Variants in AHI1 observed in about 807,000 individuals in gnomAD.
The protein encoded by AHI1 is Abelson helper integration site 1.
A neutral mutation model predicts 149.3 loss-of-function variants in AHI1; 123 were observed. That is an observed-to-expected ratio of 0.82 (90% confidence interval 0.71 to 0.96). AHI1 has a LOEUF of 0.96. Ranked by LOEUF, AHI1 falls within the 40% of genes least tolerant of loss-of-function variation. The pLI is 0.00. For synonymous variants in AHI1, 475 were observed against 459.8 expected (o/e 1.03, Z -0.42); for missense variants, 1,439 against 1,422.7 (o/e 1.01, Z -0.18).
chr6:135,427,572 C>T (rs891824076), intron 19 of AHI1, among the ~76,000 whole-genome samples: 3 of 151,502 alleles, frequency 2.0e-5, no homozygotes, highest in South Asian at 2.1e-4. Flanking sequence ...AGGGCACAGA[C>T]GGAAGTAGAG....
intron 8 of AHI1, among the ~76,000 whole-genome samples, chr6:135,460,896 T>G (rs1789770377): frequency 1.3e-5 from 2 of 152,180 alleles, no homozygotes; most frequent in African/African-American, 4.8e-5. Context: ...TGATCACTGC[T>G]TCCTATCATA....
At chr6:135,345,027 G>A (rs1790982913) in intron 24 of AHI1, among the ~76,000 whole-genome samples, 1 of 151,390 alleles carries the variant, frequency 6.6e-6, no homozygotes, top group South Asian at 2.1e-4. Flanking sequence ...ATTAGAAAAT[G>A]AGCAAAGAAT....
chr6:135,417,375 G>A (rs1782532011), intron 20 of AHI1, among the ~76,000 whole-genome samples: 1 of 151,950 alleles, frequency 6.6e-6, no homozygotes, highest in Non-Finnish European at 1.5e-5. Context: ...ACCTACGTAA[G>A]TAACAGTTAC....
intron 23 of AHI1, among the ~76,000 whole-genome samples, chr6:135,388,789 A>ATC (rs201070399): frequency 0.026 from 3,932 of 152,044 alleles, 156 homozygotes; most frequent in African/African-American, 0.088. Context: ...AGATGGGCGG[A>ATC]TCACTTGAGG....
intron 14 of AHI1, among the ~76,000 whole-genome samples, chr6:135,439,696 C>T (rs1785968552): frequency 6.6e-6 from 1 of 152,084 alleles, no homozygotes; most frequent in African/African-American, 2.4e-5. Flanking sequence ...AAAGTAATGG[C>T]CTTTAGTGCA....
chr6:135,436,659 A>G (rs950722031), intron 15 of AHI1, among the ~76,000 whole-genome samples: 1 of 152,036 alleles, frequency 6.6e-6, no homozygotes, highest in Non-Finnish European at 1.5e-5. Flanking sequence ...CTGGAGTGCA[A>G]TGGCGCAATC....
At chr6:135,294,251 G>A (rs1782769763) in intron 27 of AHI1, among the ~76,000 whole-genome samples, 1 of 151,998 alleles carries the variant, frequency 6.6e-6, no homozygotes, top group Non-Finnish European at 1.5e-5. Context: ...ACCTGAACCC[G>A]GGAGGCGGAG....
At chr6:135,404,906 C>G in intron 22 of AHI1, 45 bp downstream of exon 22, 1 of 1,573,022 alleles carries the variant, frequency 6.4e-7, no homozygotes, top group Non-Finnish European at 8.7e-7. Flanking sequence ...TTTGGAGCAT[C>G]ACTATACCTT....
At chr6:135,362,284 CT>C (rs910112522) in intron 23 of AHI1, among the ~76,000 whole-genome samples, 2 of 151,910 alleles carry the variant, frequency 1.3e-5, no homozygotes, top group Non-Finnish European at 2.9e-5. Context: ...TGTACAGTGA[CT>C]TTTTTTTCCC....
intron 20 of AHI1, among the ~76,000 whole-genome samples, chr6:135,412,851 G>A (rs1443436848): frequency 1.3e-5 from 2 of 152,092 alleles, no homozygotes; most frequent in Non-Finnish European, 2.9e-5. Flanking sequence ...GGAGTCTATG[G>A]ACTACTGAAA....
intron 23 of AHI1, among the ~76,000 whole-genome samples, chr6:135,384,745 T>C (rs1358723010): frequency 6.6e-6 from 1 of 152,198 alleles, no homozygotes; most frequent in East Asian, 1.9e-4. Flanking sequence ...AAGTGGATTT[T>C]ATAAACTTGC....
intron 5 of AHI1, among the ~76,000 whole-genome samples, chr6:135,489,103 T>G (rs1228204929): frequency 6.6e-6 from 1 of 152,220 alleles, no homozygotes; most frequent in Non-Finnish European, 1.5e-5. Context: ...CTCAAGTTAA[T>G]CATGTCAAAA....
chr6:135,444,705 T>G (rs1786884773), intron 13 of AHI1, among the ~76,000 whole-genome samples: 1 of 152,340 alleles, frequency 6.6e-6, no homozygotes, highest in Non-Finnish European at 1.5e-5. Context: ...AAAAATAAAA[T>G]AAAAGTAACT....
At position 135,374,106 on chromosome 6, in the gene AHI1, ATATTTTTTT is replaced by A. The variant is rs1385067938; in HGVS notation, c.3110-15928_3110-15920del. Among the ~76,000 whole-genome samples, 287 of 29,392 alleles carry A rather than the reference ATATTTTTTT, an allele frequency of 9.8e-3. 1 individual carries two copies. Among genetic ancestry groups the A allele is most frequent in the African/African-American group, 0.031 (260 of 8,460 alleles). The allele number at this position is 29,392 out of a possible 152,430, so 19.3% of individuals were successfully genotyped here. On this transcript the variant is annotated intron_variant, in intron 23 of 28. Coordinates refer to ENST00000265602, the MANE Select transcript of AHI1 (RefSeq NM_001134831.2). ...CATATATATATATATATATATATAT[ATATTTTTTT>A]TTTTTTTTTTTTTTTTGAGATGGAG...
chr6:135,484,767 A>G (rs963851372), intron 5 of AHI1, among the ~76,000 whole-genome samples: 1 of 151,640 alleles, frequency 6.6e-6, no homozygotes, highest in Admixed American at 6.6e-5. Flanking sequence ...CAAAAAAAAA[A>G]AAACTTATAC....
chr6:135,414,184 C>G (rs1301708796), intron 20 of AHI1, among the ~76,000 whole-genome samples: 2 of 151,984 alleles, frequency 1.3e-5, no homozygotes, highest in Non-Finnish European at 2.9e-5. Flanking sequence ...AGTATAAAGG[C>G]CATTCAGTGG....
intron 21 of AHI1, among the ~76,000 whole-genome samples, chr6:135,407,897 T>A (rs1417022376): frequency 6.6e-6 from 1 of 151,960 alleles, no homozygotes; most frequent in African/African-American, 2.4e-5. Context: ...TAATCGGGCG[T>A]GGTGGCGGGC....
intron 5 of AHI1, 122 bp downstream of exon 5, chr6:135,490,501 C>G (rs1299898600): frequency 2.6e-6 from 3 of 1,145,000 alleles, no homozygotes; most frequent in South Asian, 2.7e-5. Flanking sequence ...ATGTTATTGA[C>G]CATGACATAG....
At chr6:135,317,211 A>C (rs940945086) in intron 26 of AHI1, among the ~76,000 whole-genome samples, 2 of 152,002 alleles carry the variant, frequency 1.3e-5, no homozygotes, top group Non-Finnish European at 2.9e-5. Context: ...GACCTTTCTA[A>C]CATGCAAATC....
Sources: allele counts gnomAD v4.1 joint callset (sites outside exome capture counted in the v4.1 genomes callset), GRCh38; gene constraint gnomAD v4.1.1; transcripts MANE v1.5; gene names NCBI Gene and HGNC (gene_info 2026-07-23, HGNC 2026-07-21).